Variants in GRIP2 observed in about 807,000 individuals in gnomAD.
GRIP2 encodes glutamate receptor-interacting protein 2.
Under a neutral mutation model 108.3 loss-of-function variants are expected in GRIP2, and 58 were observed. The observed-to-expected ratio is 0.54, with a 90% CI of 0.43 to 0.67. The LOEUF is 0.67. GRIP2 is among the 30% of genes least tolerant of loss of function. GRIP2 has a pLI of 0.00. For synonymous variants in GRIP2, 586 were observed against 598.2 expected, an observed-to-expected ratio of 0.98 and a Z score of 0.30; for missense variants, 1,278 against 1,430.6, an observed-to-expected ratio of 0.89 and a Z score of 1.72.
upstream of GRIP2, among the ~76,000 whole-genome samples, chr3:14,556,329 T>C (rs889078644): frequency 3.2e-4 from 49 of 152,178 alleles, no homozygotes; most frequent in African/African-American, 1.1e-3. Context: ...GGCTGGCTGT[T>C]TGATACTTCC....
At chr3:14,502,414 A>G (rs1489338720) in intron 21 of GRIP2, among the ~76,000 whole-genome samples, 1 of 152,048 alleles carries the variant, frequency 6.6e-6, no homozygotes, top group African/African-American at 2.4e-5. Context: ...GAATCACTTG[A>G]ACCCAGGAGG....
rs1317561037 is a variant in GRIP2, at chr3:14,520,208, A to G, written c.932T>C (p.Leu311Pro). 6.2e-7 allele frequency: 1 copy of G among 1,613,688 alleles called. No homozygotes were observed. Among genetic ancestry groups the G allele is most frequent in the Non-Finnish European group, 8.5e-7 (1 of 1,179,836 alleles). The change falls in exon 9 of 24, where the codon CTT becomes CCT. Residue 311 changes from leucine (L) to proline (P), a missense_variant. Transcript: ENST00000621039. ...DGTSMEHCSL[L>P]EATKLLASIS... is the part of the protein sequence containing the mutation. ...GCTGGCCAGGAGCTTGGTGGCCTCA[A>G]GCAGCGAGCAGTGTTCCATGCTGGT...
At chr3:14,510,194 A>G (rs1694044458) in intron 16 of GRIP2, among the ~76,000 whole-genome samples, 1 of 152,128 alleles carries the variant, frequency 6.6e-6, no homozygotes, top group South Asian at 2.1e-4. Context: ...ATTGATGACA[A>G]GAAACAGTGG....
intron 4 of GRIP2, 48 bp from the exon 5 acceptor site, chr3:14,523,746 G>A: frequency 7.7e-7 from 1 of 1,301,776 alleles, no homozygotes; most frequent in Admixed American, 1.9e-5. Flanking sequence ...CGCATCTCCA[G>A]GCCGGTAGAT....
chr3:14,574,732 A>G, the GRIP2 span: 2 of 506,900 alleles, frequency 3.9e-6, no homozygotes, highest in Non-Finnish European at 7.4e-6. Flanking sequence ...TCCCTAATCG[A>G]GCAGCCTTTC....
At chr3:14,543,164 GC>G (rs1462566521), upstream of GRIP2, among the ~76,000 whole-genome samples, 2 of 152,232 alleles carry the variant, frequency 1.3e-5, no homozygotes, top group Admixed American at 6.5e-5. Context: ...CAGAGATACA[GC>G]CAGGCCTGGG....
chr3:14,583,092 C>T, the GRIP2 span, among the ~76,000 whole-genome samples: 2 of 152,244 alleles, frequency 1.3e-5, no homozygotes, highest in Non-Finnish European at 2.9e-5. Context: ...GTCTTTCTCA[C>T]TCCATAGGTT....
the GRIP2 span, among the ~76,000 whole-genome samples, chr3:14,594,512 C>T: frequency 6.6e-6 from 1 of 152,172 alleles, no homozygotes; most frequent in Non-Finnish European, 1.5e-5. Context: ...TGGAGAGTCC[C>T]AGACTGAGAC....
Position 14,517,836 on chromosome 3 carries a change from G to C in GRIP2, c.1092C>G (p.Ser364Arg). The change falls in exon 10 of 24, where the codon AGC (serine) becomes AGG (arginine). Residue 364 changes from serine to arginine, a missense_variant. Ser to Arg is a moderately radical substitution (Grantham distance 110). Coordinates refer to ENST00000621039, the MANE Select transcript of GRIP2 (RefSeq NM_001080423.4). Reference sequence around the variant, plus strand: ...GCATCCTGCAGTGGCCGGGCCGGGGGCTGTGGCAGGAGGGCACGCAGGGGT... The same window carrying C: ...GCATCCTGCAGTGGCCGGGCCGGGGCCTGTGGCAGGAGGGCACGCAGGGGT... ...RWDPCVPSCH[S>R]PRPGHCRMPT... 1 of 1,604,346 alleles carries C rather than the reference G, an allele frequency of 6.2e-7. No homozygotes were observed. The highest frequency in any genetic ancestry group is 8.5e-7 in the Non-Finnish European group (1 of 1,175,968).
At chr3:14,518,942 G>A (rs1218974456) in intron 9 of GRIP2, among the ~76,000 whole-genome samples, 1 of 152,238 alleles carries the variant, frequency 6.6e-6, no homozygotes, top group African/African-American at 2.4e-5. Context: ...GCACTTAGTA[G>A]AAGCTCAGTT....
the GRIP2 span, among the ~76,000 whole-genome samples, chr3:14,600,526 C>G: frequency 6.6e-6 from 1 of 152,190 alleles, no homozygotes; most frequent in Non-Finnish European, 1.5e-5. Context: ...AACGTGTAGG[C>G]AGATGAGCTG....
chr3:14,572,341 T>C, the GRIP2 span, among the ~76,000 whole-genome samples: 25,336 of 151,136 alleles, frequency 0.17, 2,347 homozygotes, highest in African/African-American at 0.23. Flanking sequence ...AGGCCGGGCG[T>C]GGTGGCTCAC....
At position 14,511,351 on chromosome 3, in the gene GRIP2, G is replaced by A. The variant is rs761576487; in HGVS notation, c.1788-41C>T. On this transcript the variant is annotated intron_variant, in intron 15 of 23. Coordinates refer to ENST00000621039, the MANE Select transcript of GRIP2 (RefSeq NM_001080423.4). The surrounding 1 kb of genome is among the most constrained non-coding windows in gnomAD (Gnocchi z 4.1). Reference sequence around the variant, plus strand: ...GCAGAGGGGATGGAAGGAGCCTGGTGCATGCAGGTGCCATACTCACTGCTG... The same window carrying A: ...GCAGAGGGGATGGAAGGAGCCTGGTACATGCAGGTGCCATACTCACTGCTG... 3.7e-6 allele frequency: 6 copies of A among 1,613,974 alleles called. No homozygotes were observed. The highest frequency in any genetic ancestry group is 2.2e-5 in the East Asian group (1 of 44,882).
At position 14,511,530 on chromosome 3, in the gene GRIP2, G is replaced by C; in HGVS notation, c.1721-51C>G. 3 of 1,583,428 alleles carry C rather than the reference G, an allele frequency of 1.9e-6. No homozygotes were observed. The highest frequency in any genetic ancestry group is 2.6e-6 in the Non-Finnish European group (3 of 1,156,878). On this transcript the variant is annotated intron_variant, in intron 14 of 23. Transcript: ENST00000621039. The surrounding 1 kb of genome is among the most constrained non-coding windows in gnomAD (Gnocchi z 4.1). ...GACCTTGGTGGCCTCAGCCTGGGGT[G>C]GGGTGGCGAAGCCCAGGGGTCTGAG...
At position 14,520,452 on chromosome 3, in the gene GRIP2, G is replaced by C; in HGVS notation, c.798C>G (p.Thr266=). 3 of 1,613,900 alleles carry C rather than the reference G, an allele frequency of 1.9e-6. No homozygotes were observed. Among genetic ancestry groups the C allele is most frequent in the Non-Finnish European group, 2.5e-6 (3 of 1,179,858 alleles). ...TAATGACTGACTTGTTCCGGAGGGA[G>C]GTGGTGGTGAGCGAGATCCCCAGGG... The part of the protein sequence containing the change: ...GSALGISLTT[T]SLRNKSVITI... Residue 266 remains threonine (T), a synonymous_variant, in exon 8 of 24, where the codon ACC becomes ACG. Coordinates refer to ENST00000621039, the MANE Select transcript of GRIP2 (RefSeq NM_001080423.4).
chr3:14,590,934 AT>A, the GRIP2 span, among the ~76,000 whole-genome samples: 1 of 152,170 alleles, frequency 6.6e-6, no homozygotes, highest in African/African-American at 2.4e-5. Context: ...CTGGTAACTG[AT>A]TTTTTAAGCC....
rs1694546736 is a variant in GRIP2 at position 14,526,062 on chromosome 3, C to T, written c.41-131G>A. ...GGGTTCCCTCCTGCCACCAGCTCCA[C>T]CCGATTCTCTGCTGGAGAATCCTCA... On this transcript the variant is annotated intron_variant, in intron 1 of 23. Transcript: ENST00000621039. 5.4e-6 allele frequency: 4 copies of T among 737,314 alleles called. No homozygotes were observed. In the East Asian group the frequency reaches 8.1e-5, roughly 15 times the overall value. 45.7% of individuals were successfully genotyped at this position (737,314 alleles called of 1,614,324 possible). A position where few individuals can be genotyped will look rare whatever the true frequency, so the allele number is the denominator to read the frequency against.
chr3:14,588,606 C>T, the GRIP2 span, among the ~76,000 whole-genome samples: 1 of 152,174 alleles, frequency 6.6e-6, no homozygotes, highest in Admixed American at 6.5e-5. Flanking sequence ...CCCGCCGGCC[C>T]AGAGCCAGCT....
chr3:14,573,902 G>A, the GRIP2 span: 3 of 1,162,344 alleles, frequency 2.6e-6, no homozygotes, highest in South Asian at 2.5e-5. Flanking sequence ...CCGACCTGTC[G>A]TTGTGCATGC....
Sources: gnomAD v4.1 joint callset for allele counts (sites outside exome capture counted in the v4.1 genomes callset) on GRCh38, gnomAD v4.1.1 for gene constraint, Gnocchi (gnomAD v3.1) non-coding constraint, MANE v1.5 for transcripts, NCBI Gene and HGNC (gene_info 2026-07-23, HGNC 2026-07-21) for gene names.